Variants in PAK2 observed in about 807,000 individuals in gnomAD.
The protein encoded by PAK2 is p21 (RAC1) activated kinase 2.
Under a neutral mutation model 65.9 loss-of-function variants are expected in PAK2, and 21 were observed. The observed-to-expected ratio is 0.32, with a 90% confidence interval of 0.23 to 0.46. The LOEUF (loss-of-function observed/expected upper bound fraction) is 0.46, where lower values mean the gene tolerates loss of function less well. Ranked by LOEUF, PAK2 falls within the 20% of genes least tolerant of loss-of-function variation. PAK2 has a pLI of 1.00. For missense variants in PAK2, 324 were observed against 642.6 expected (o/e 0.50, Z 5.36); for synonymous variants, 204 against 219.7 (o/e 0.93, Z 0.63).
At chr3:196,805,439 C>G in intron 5 of PAK2, 56 bp downstream of exon 5, 4 of 824,294 alleles carry the variant, frequency 4.9e-6, no homozygotes, top group Non-Finnish European at 5.8e-6. Flanking sequence ...TTACCCAAGA[C>G]AAATCTCAGT....
chr3:196,787,679 T>C (rs1398755125), intron 2 of PAK2, among the ~76,000 whole-genome samples: 1 of 152,156 alleles, frequency 6.6e-6, no homozygotes, highest in Non-Finnish European at 1.5e-5. Flanking sequence ...GCAGAGCCTT[T>C]GTGTAGCCTG....
chr3:196,747,647 T>C (rs1253414913), intron 1 of PAK2, among the ~76,000 whole-genome samples: 1 of 152,216 alleles, frequency 6.6e-6, no homozygotes, highest in African/African-American at 2.4e-5. Context: ...TTTCTGTTGG[T>C]AATATACAGA....
intron 1 of PAK2, among the ~76,000 whole-genome samples, chr3:196,743,664 A>G (rs1288002314): frequency 6.6e-6 from 1 of 152,150 alleles, no homozygotes; most frequent in Admixed American, 6.5e-5. Context: ...CCTGGCCAAC[A>G]TGGTGAAACC....
At chr3:196,812,035 G>A (rs572953559) in intron 8 of PAK2, among the ~76,000 whole-genome samples, 184 bp from the exon 9 acceptor site, 22 of 151,838 alleles carry the variant, frequency 1.4e-4, no homozygotes, top group African/African-American at 3.6e-4. Flanking sequence ...AAGTTTTGCC[G>A]TAAGGATTGT....
intron 1 of PAK2, among the ~76,000 whole-genome samples, chr3:196,762,061 G>T (rs1311732020): frequency 7.1e-6 from 1 of 141,694 alleles, no homozygotes; most frequent in Admixed American, 7.0e-5. Flanking sequence ...CCCAGACGGG[G>T]TCTTGGCCGG....
At chr3:196,748,630 G>C (rs981930390) in intron 1 of PAK2, among the ~76,000 whole-genome samples, 8 of 152,128 alleles carry the variant, frequency 5.3e-5, no homozygotes, top group Non-Finnish European at 1.2e-4. Context: ...TGCATCTGAG[G>C]TTCTTCCGTG....
At chr3:196,742,049 T>C (rs746924869) in intron 1 of PAK2, among the ~76,000 whole-genome samples, 14 of 152,106 alleles carry the variant, frequency 9.2e-5, no homozygotes, top group Non-Finnish European at 1.8e-4. Context: ...GGCTCTCTGA[T>C]CTTTATGATA....
intron 7 of PAK2, among the ~76,000 whole-genome samples, chr3:196,809,476 T>C (rs916687487): frequency 6.7e-6 from 1 of 149,106 alleles, no homozygotes; most frequent in Non-Finnish European, 1.5e-5. Context: ...CCCGAGTAGC[T>C]GGGGCTACAG....
At chr3:196,779,387 G>A (rs753173319) in intron 1 of PAK2, among the ~76,000 whole-genome samples, 6 of 152,078 alleles carry the variant, frequency 3.9e-5, no homozygotes, top group Admixed American at 6.6e-5. Flanking sequence ...CGTGCTCTGG[G>A]CTCATCTTCC....
At position 196,818,069 on chromosome 3, in the gene PAK2, T is replaced by G. The variant is rs773383958; in HGVS notation, c.1066T>G (p.Leu356Val). 2.8e-5 allele frequency: 40 copies of G among 1,426,416 alleles called. No homozygotes were observed. The highest frequency in any genetic ancestry group is 3.8e-5 in the Non-Finnish European group (38 of 1,011,346). The allele number at this position is 1,426,416 out of a possible 1,614,324, so 88.4% of individuals were successfully genotyped here. Reference protein sequence around the residue: ...AAVCRECLQALEFLHANQVIH... With the variant: ...AAVCRECLQAVEFLHANQVIH... Reference sequence around the variant, plus strand: ...TTCTTCTGTTCAGTGTTTACAGGCATTGGAGTTTTTACATGCTAATCAAGT... The same window carrying G: ...TTCTTCTGTTCAGTGTTTACAGGCAGTGGAGTTTTTACATGCTAATCAAGT... Residue 356 changes from leucine to valine, a missense_variant, in exon 12 of 15, where the codon TTG (leucine) becomes GTG (valine). This residue lies in a region of PAK2 where 36 missense variants were observed against 161.5 expected (regional missense o/e 0.22). Coordinates refer to ENST00000327134, the MANE Select transcript of PAK2 (RefSeq NM_002577.4).
intron 1 of PAK2, among the ~76,000 whole-genome samples, chr3:196,779,468 G>A (rs778053522): frequency 8.5e-5 from 13 of 152,064 alleles, no homozygotes; most frequent in Non-Finnish European, 1.8e-4. Context: ...AGTGTAAGTC[G>A]GTGGTGGAAA....
intron 6 of PAK2, among the ~76,000 whole-genome samples, chr3:196,807,481 C>G (rs1037866502): frequency 6.6e-6 from 1 of 152,116 alleles, no homozygotes; most frequent in Non-Finnish European, 1.5e-5. Flanking sequence ...ATTTTTAAAC[C>G]GTGCTTTTTG....
chr3:196,789,817 C>T (rs933447206), intron 2 of PAK2, among the ~76,000 whole-genome samples: 1 of 152,164 alleles, frequency 6.6e-6, no homozygotes, highest in South Asian at 2.1e-4. Context: ...GTATGAAACT[C>T]TTCCACCTCA....
chr3:196,787,042 T>C (rs1577721544), intron 2 of PAK2, among the ~76,000 whole-genome samples: 1 of 151,972 alleles, frequency 6.6e-6, no homozygotes, highest in East Asian at 1.9e-4. Flanking sequence ...CAGGCTGGTC[T>C]CAAACTCCTG....
At chr3:196,754,789 C>T (rs933735553) in intron 1 of PAK2, among the ~76,000 whole-genome samples, 1 of 152,146 alleles carries the variant, frequency 6.6e-6, no homozygotes, top group African/African-American at 2.4e-5. Flanking sequence ...GAATTTGCGC[C>T]TGGTAATCTC....
intron 13 of PAK2, among the ~76,000 whole-genome samples, chr3:196,821,135 C>G (rs1360329877): frequency 2.6e-5 from 4 of 152,116 alleles, no homozygotes; most frequent in African/African-American, 9.7e-5. Context: ...ACAACTGCAC[C>G]TGGCCACTTC....
intron 2 of PAK2, among the ~76,000 whole-genome samples, chr3:196,792,161 G>A (rs1715094177): frequency 6.6e-6 from 1 of 152,140 alleles, no homozygotes; most frequent in African/African-American, 2.4e-5. Flanking sequence ...CCAACTATCT[G>A]CATAGAGGAA....
intron 6 of PAK2, among the ~76,000 whole-genome samples, chr3:196,806,939 CT>C (rs1388908811): frequency 6.6e-6 from 1 of 152,044 alleles, no homozygotes; most frequent in African/African-American, 2.4e-5. Context: ...TATAGTACAC[CT>C]TTTCCAGAGG....
Position 196,831,387 on chromosome 3 carries a change from A to G in PAK2, c.*2982A>G, listed in dbSNP as rs1432276169. ...TTTTCTTCTGCTGCTTTTAGGGACA[A>G]TTAAAACTGGGAAACTATGAAACAT... On this transcript the variant is annotated 3_prime_UTR_variant, in exon 15 of 15. Coordinates refer to ENST00000327134, the MANE Select transcript of PAK2 (RefSeq NM_002577.4). 1 of 152,150 alleles carries G rather than the reference A, an allele frequency of 6.6e-6. No individual in the cohort carries two copies. Among genetic ancestry groups the G allele is most frequent in the Non-Finnish European group, 1.5e-5 (1 of 68,028 alleles). The allele number at this position is 152,150 out of a possible 1,614,324, so 9.4% of individuals were successfully genotyped here.
Sources: gnomAD v4.1 joint callset for allele counts (sites outside exome capture counted in the v4.1 genomes callset) on GRCh38, gnomAD v4.1.1 for gene constraint, gnomAD v4.1.1 regional missense constraint, MANE v1.5 for transcripts, NCBI Gene and HGNC (gene_info 2026-07-23, HGNC 2026-07-21) for gene names.